Variants in NEK11 observed in about 807,000 individuals in gnomAD.
NEK11 encodes the protein serine/threonine-protein kinase Nek11.
NEK11 carries 72 observed loss-of-function variants against 80.7 expected under a neutral mutation model. The observed-to-expected ratio is 0.89, with a 90% CI of 0.74 to 1.08. The LOEUF (loss-of-function observed/expected upper bound fraction) is 1.08. NEK11 is among the 50% of genes least tolerant of loss of function. The pLI is 0.00. For synonymous variants in NEK11, 251 were observed against 260.7 expected, an observed-to-expected ratio of 0.96 and a Z score of 0.36; for missense variants, 764 against 763.6, an observed-to-expected ratio of 1.00 and a Z score of -0.01.
At chr3:131,059,751 G>A (rs2070454783) in intron 3 of NEK11, among the ~76,000 whole-genome samples, 2 of 152,124 alleles carry the variant, frequency 1.3e-5, no homozygotes. Flanking sequence ...CCACCATCTT[G>A]CACCTCTTTC....
At chr3:131,341,804 A>T (rs2097291708) in intron 17 of NEK11, among the ~76,000 whole-genome samples, 1 of 152,088 alleles carries the variant, frequency 6.6e-6, no homozygotes, top group Admixed American at 6.5e-5. Context: ...TAATATGGCT[A>T]CCCTAGATTT....
chr3:131,238,093 G>A (rs1425321747), intron 15 of NEK11, among the ~76,000 whole-genome samples: 1 of 152,120 alleles, frequency 6.6e-6, no homozygotes, highest in Non-Finnish European at 1.5e-5. Flanking sequence ...GGCTTTGGGA[G>A]CCTTGAATGC....
chr3:131,298,629 G>T (rs1385470824), intron 17 of NEK11, among the ~76,000 whole-genome samples: 1 of 151,846 alleles, frequency 6.6e-6, no homozygotes, highest in Non-Finnish European at 1.5e-5. Context: ...CCCCACTCTG[G>T]CTTCTTTCAG....
At chr3:131,215,887 C>A (rs1561020284) in intron 14 of NEK11, among the ~76,000 whole-genome samples, 1 of 152,174 alleles carries the variant, frequency 6.6e-6, no homozygotes, top group Non-Finnish European at 1.5e-5. Flanking sequence ...AGGCTGTGCC[C>A]CTCTATTTAG....
chr3:131,152,800 A>G, intron 9 of NEK11, 91 bp downstream of exon 9: 4 of 915,048 alleles, frequency 4.4e-6, no homozygotes, highest in Non-Finnish European at 6.8e-6. Context: ...GATATGATTC[A>G]GTAAGAATCA....
At chr3:131,032,485 C>T (rs2065020118) in intron 3 of NEK11, among the ~76,000 whole-genome samples, 1 of 152,220 alleles carries the variant, frequency 6.6e-6, no homozygotes, top group Non-Finnish European at 1.5e-5. Flanking sequence ...CACACCTTTC[C>T]ACTACGTGCC....
intron 3 of NEK11, among the ~76,000 whole-genome samples, chr3:131,078,483 G>A (rs1251188886): frequency 6.6e-6 from 1 of 151,908 alleles, no homozygotes; most frequent in Non-Finnish European, 1.5e-5. Flanking sequence ...TTTAATTGTA[G>A]TCTCTCACTG....
intron 17 of NEK11, among the ~76,000 whole-genome samples, chr3:131,276,856 G>A (rs1289692990): frequency 6.6e-6 from 1 of 152,028 alleles, no homozygotes; most frequent in Non-Finnish European, 1.5e-5. Context: ...ACCCATTATA[G>A]CAATTGTTTT....
Position 131,191,487 on chromosome 3 carries a change from T to C in NEK11, c.1399+20600T>C, listed in dbSNP as rs1426968075. Among the ~76,000 whole-genome samples the C allele has an allele frequency of 2.0e-5, 3 of 152,294 alleles. No homozygotes were observed. The East Asian group carries it at 5.8e-4, about 29-fold the overall frequency. ...CTTCTGTGCTGTGCCCTCTTCTATT[T>C]TTAAGGACTCTTATAATTATATTGG... On this transcript the variant is annotated intron_variant, in intron 14 of 17. Coordinates refer to ENST00000383366, the MANE Select transcript of NEK11 (RefSeq NM_024800.5).
chr3:131,281,117 A>G (rs972663637), intron 17 of NEK11, among the ~76,000 whole-genome samples: 3 of 151,382 alleles, frequency 2.0e-5, no homozygotes, highest in African/African-American at 7.3e-5. Flanking sequence ...ACACAGGTTT[A>G]TTGATTTCTT....
chr3:131,056,111 A>G (rs1449664799), intron 3 of NEK11, among the ~76,000 whole-genome samples: 1 of 152,166 alleles, frequency 6.6e-6, no homozygotes, highest in Non-Finnish European at 1.5e-5. Context: ...TTTCTTCCGA[A>G]GGGCTTCATT....
At chr3:131,269,138 A>C (rs565716303) in intron 16 of NEK11, among the ~76,000 whole-genome samples, 1 of 152,222 alleles carries the variant, frequency 6.6e-6, no homozygotes, top group Non-Finnish European at 1.5e-5. Flanking sequence ...TGAGCATCCC[A>C]GGTTGACTTC....
At chr3:131,169,489 TG>T (rs1288226663) in intron 13 of NEK11, among the ~76,000 whole-genome samples, 1 of 152,222 alleles carries the variant, frequency 6.6e-6, no homozygotes, top group Non-Finnish European at 1.5e-5. Flanking sequence ...TGGCTGAATT[TG>T]GGCTTTGAAA....
chr3:131,246,400 T>C (rs983307105), intron 16 of NEK11, among the ~76,000 whole-genome samples: 3 of 152,176 alleles, frequency 2.0e-5, no homozygotes, highest in Admixed American at 6.5e-5. Context: ...ACAGTCTCCA[T>C]TTCCATCCAG....
intron 3 of NEK11, among the ~76,000 whole-genome samples, chr3:131,032,940 T>C (rs903048): frequency 0.43 from 65,115 of 152,082 alleles, 16,505 homozygotes; most frequent in Middle Eastern, 0.66. Flanking sequence ...TTCTAATAAA[T>C]GGAAGGTTTT....
intron 17 of NEK11, among the ~76,000 whole-genome samples, chr3:131,294,431 G>T (rs903573049): frequency 9.2e-5 from 14 of 151,478 alleles, no homozygotes; most frequent in African/African-American, 3.2e-4. Context: ...TGCAGACATT[G>T]TATGATTTCT....
At chr3:131,219,778 G>A (rs139980311) in intron 14 of NEK11, among the ~76,000 whole-genome samples, 1 of 152,272 alleles carries the variant, frequency 6.6e-6, no homozygotes, top group Non-Finnish European at 1.5e-5. Context: ...TACAGCTCTG[G>A]CTGACTTAAT....
chr3:131,075,705 C>A (rs1045614954), intron 3 of NEK11, among the ~76,000 whole-genome samples: 22 of 152,128 alleles, frequency 1.4e-4, no homozygotes, highest in Admixed American at 9.2e-4. Flanking sequence ...ATGAGCCAGA[C>A]CTTTGGAGGT....
intron 9 of NEK11, 80 bp downstream of exon 9, chr3:131,152,789 G>C: frequency 1.0e-6 from 1 of 995,260 alleles, no homozygotes. Context: ...TATGCAGTGG[G>C]GATATGATTC....
Sources: gnomAD v4.1 joint callset for allele counts (sites outside exome capture counted in the v4.1 genomes callset) on GRCh38, gnomAD v4.1.1 for gene constraint, MANE v1.5 for transcripts, NCBI Gene and HGNC (gene_info 2026-07-23, HGNC 2026-07-21) for gene names.